Variants in KMT2C observed in about 807,000 individuals in gnomAD.
KMT2C encodes the protein lysine methyltransferase 2C, also known as histone-lysine N-methyltransferase 2C.
In KMT2C, 88 loss-of-function variants were observed where a neutral mutation model predicts 507.9. That is an observed-to-expected ratio of 0.17 (90% CI 0.15 to 0.21). KMT2C has a LOEUF of 0.21. KMT2C is among the 10% of genes least tolerant of loss of function. The pLI, the probability that KMT2C is intolerant of heterozygous loss-of-function variation, is 1.00. For missense variants in KMT2C, 4,954 were observed against 5,957.8 expected (o/e 0.83, Z 5.55); for synonymous variants, 2,049 against 2,080.8 (o/e 0.98, Z 0.42).
intron 28 of KMT2C, 119 bp from the exon 29 acceptor site, chr7:152,194,687 T>A (rs574224495): frequency 3.0e-6 from 2 of 662,056 alleles, no homozygotes; most frequent in Non-Finnish European, 4.7e-6. Context: ...AAATAAAGTC[T>A]GTAATTCTGA....
intron 3 of KMT2C, among the ~76,000 whole-genome samples, chr7:152,327,783 C>T (rs745693944): frequency 4.0e-5 from 6 of 151,718 alleles, no homozygotes; most frequent in Non-Finnish European, 8.8e-5. Flanking sequence ...ACATTGAAAC[C>T]CCGTCTCTAC....
intron 1 of KMT2C, chr7:152,367,876 A>G: frequency 9.4e-7 from 1 of 1,066,572 alleles, no homozygotes. Flanking sequence ...AAACCATTGG[A>G]TATTGAGTTT....
chr7:152,265,462 G>A (rs2095846454), intron 7 of KMT2C, among the ~76,000 whole-genome samples: 1 of 152,126 alleles, frequency 6.6e-6, no homozygotes, highest in South Asian at 2.1e-4. Flanking sequence ...GAGACCATAA[G>A]CAGGTCTTCT....
At chr7:152,302,846 G>A (rs2096582366) in intron 6 of KMT2C, among the ~76,000 whole-genome samples, 1 of 151,874 alleles carries the variant, frequency 6.6e-6, no homozygotes, top group Admixed American at 6.6e-5. Flanking sequence ...GTTTTGCCAT[G>A]TTGGTTAGGC....
intron 18 of KMT2C, among the ~76,000 whole-genome samples, chr7:152,226,578 A>C (rs1388532207): frequency 6.6e-6 from 1 of 152,128 alleles, no homozygotes; most frequent in Non-Finnish European, 1.5e-5. Context: ...ATGTATATTT[A>C]TTATTTTGAT....
At chr7:152,355,767 G>A (rs1363107514) in intron 2 of KMT2C, among the ~76,000 whole-genome samples, 1 of 152,128 alleles carries the variant, frequency 6.6e-6, no homozygotes, top group Admixed American at 6.5e-5. Flanking sequence ...CTTCATTAGA[G>A]TGGGTTCATG....
At chr7:152,364,663 T>G (rs1322548082) in intron 1 of KMT2C, among the ~76,000 whole-genome samples, 1 of 149,512 alleles carries the variant, frequency 6.7e-6, no homozygotes, top group Non-Finnish European at 1.5e-5. Context: ...CATTGAAAAG[T>G]TAACATGTGA....
chr7:152,221,023 G>A (rs1350946396), intron 22 of KMT2C, among the ~76,000 whole-genome samples: 1 of 152,148 alleles, frequency 6.6e-6, no homozygotes, highest in Admixed American at 6.5e-5. Flanking sequence ...GGGGGGCCGA[G>A]GCGGCAGGCA....
intron 24 of KMT2C, 91 bp downstream of exon 24, chr7:152,207,209 T>A: frequency 1.7e-6 from 2 of 1,155,176 alleles, no homozygotes; most frequent in Non-Finnish European, 1.2e-6. Context: ...GAAGCCTGAA[T>A]ATTTAATTTT....
intron 23 of KMT2C, among the ~76,000 whole-genome samples, chr7:152,212,712 A>G (rs7806131): frequency 0.042 from 6,433 of 152,342 alleles, 464 homozygotes; most frequent in African/African-American, 0.15. Flanking sequence ...TGAAAGCTTT[A>G]TATACTAAAC....
intron 13 of KMT2C, among the ~76,000 whole-genome samples, chr7:152,249,319 G>GTTTTTT (rs2095524470): frequency 2.0e-5 from 2 of 102,458 alleles, no homozygotes; most frequent in African/African-American, 7.8e-5. Flanking sequence ...AAATTTATCT[G>GTTTTTT]GTTTTTTTTT....
Position 152,235,930 on chromosome 7 carries a change from G to C in KMT2C, c.2656C>G (p.Arg886Gly), listed in dbSNP as rs199796679. 1 of 1,610,382 alleles carries C rather than the reference G, an allele frequency of 6.2e-7. No homozygotes were observed. The highest frequency in any genetic ancestry group is 8.5e-7 in the Non-Finnish European group (1 of 1,178,664). The part of the protein sequence containing the change: ...GSAIWSIKVG[R>G]GSGFPGKRRP... ...CGCTTTCCTGGAAATCCAGACCCAC[G>C]GCCCTATGTAACAGATTGGGAAAAG... is the stretch of plus-strand genomic sequence containing the variant. The change falls in exon 16 of 59, where the codon CGT becomes GGT. Residue 886 changes from arginine (R) to glycine (G), a missense_variant. Arg to Gly is a moderately radical substitution (Grantham distance 125). This residue lies in a region of KMT2C where 62 missense variants were observed against 137.2 expected (regional missense o/e 0.45). Transcript: ENST00000262189.
intron 15 of KMT2C, among the ~76,000 whole-genome samples, chr7:152,238,281 GA>G (rs2095322570): frequency 5.9e-5 from 9 of 152,422 alleles, no homozygotes; most frequent in Middle Eastern, 3.4e-3. Flanking sequence ...TGTCATGGGG[GA>G]AAAAGCCTTG....
intron 31 of KMT2C, among the ~76,000 whole-genome samples, chr7:152,189,342 C>G (rs1192744358): frequency 1.3e-5 from 2 of 152,176 alleles, no homozygotes. Flanking sequence ...TGTGGAAATA[C>G]ACAAGGCCTC....
chr7:152,172,866 C>T (rs2093029493), intron 39 of KMT2C, among the ~76,000 whole-genome samples: 1 of 152,118 alleles, frequency 6.6e-6, no homozygotes. Flanking sequence ...TCATTACTTT[C>T]AAATTATGGT....
rs1366899448 is a variant in KMT2C, at chr7:152,203,111, A to C, written c.3962-47T>G. 1.3e-5 allele frequency: 20 copies of C among 1,511,448 alleles called. 1 individual carries two copies. The Admixed American group carries it at 4.2e-4, about 31-fold the overall frequency. The allele number at this position is 1,511,448 out of a possible 1,614,324, so 93.6% of individuals were successfully genotyped here. ...TAAATATGTGACATTTAAAATTTCT[A>C]GACAAACCCACTGAAGGTAATTTTA... is the stretch of plus-strand genomic sequence containing the variant. On this transcript the variant is annotated intron_variant, in intron 25 of 58. Coordinates refer to ENST00000262189, the MANE Select transcript of KMT2C (RefSeq NM_170606.3).
At chr7:152,357,174 CCG>C (rs2097159145) in intron 2 of KMT2C, among the ~76,000 whole-genome samples, 1 of 151,630 alleles carries the variant, frequency 6.6e-6, no homozygotes, top group Non-Finnish European at 1.5e-5. Context: ...TTGCAGTGAG[CCG>C]AGATCACACC....
chr7:152,411,754 T>C (rs1314576247), intron 1 of KMT2C, among the ~76,000 whole-genome samples: 1 of 152,304 alleles, frequency 6.6e-6, no homozygotes, highest in African/African-American at 2.4e-5. Flanking sequence ...GTCCATTTAA[T>C]TACTTTGTAT....
chr7:152,320,819 G>T (rs1004735782), intron 3 of KMT2C, among the ~76,000 whole-genome samples: 2 of 151,930 alleles, frequency 1.3e-5, no homozygotes, highest in African/African-American at 4.8e-5. Context: ...AATATTTCAA[G>T]AGTGGATTAC....
Sources: allele counts gnomAD v4.1 joint callset (sites outside exome capture counted in the v4.1 genomes callset), GRCh38; gene constraint gnomAD v4.1.1; regional missense constraint gnomAD v4.1.1; transcripts MANE v1.5; gene names NCBI Gene and HGNC (gene_info 2026-07-23, HGNC 2026-07-21).